Variants in NRG1 observed in about 807,000 individuals in gnomAD.
The protein encoded by NRG1 is neuregulin 1.
A neutral mutation model predicts 63.8 loss-of-function variants in NRG1; 18 were observed. The ratio of observed to expected loss-of-function variants is 0.28; its 90% CI spans 0.19 to 0.42. The LOEUF (loss-of-function observed/expected upper bound fraction) is 0.42, where lower values mean the gene tolerates loss of function less well. Among genes scored for constraint, NRG1 ranks in the 10% least tolerant of loss-of-function variants. The pLI is 1.00. For missense variants in NRG1, 762 were observed against 814.7 expected (o/e 0.94, Z 0.79); for synonymous variants, 302 against 301.3 (o/e 1.00, Z -0.02).
intron 1 of NRG1, among the ~76,000 whole-genome samples, chr8:32,329,503 T>C (rs529567859): frequency 6.6e-6 from 1 of 152,250 alleles, no homozygotes; most frequent in East Asian, 1.9e-4. Context: ...AATAATGTGA[T>C]GGGGGATAAA....
At chr8:31,949,733 T>C (rs1055763461) in intron 1 of NRG1, among the ~76,000 whole-genome samples, 2 of 152,188 alleles carry the variant, frequency 1.3e-5, no homozygotes, top group Admixed American at 1.3e-4. Flanking sequence ...TAAACATTGT[T>C]GGTACCACGT....
At chr8:31,902,098 G>T (rs1047195929) in intron 1 of NRG1, among the ~76,000 whole-genome samples, 1 of 152,170 alleles carries the variant, frequency 6.6e-6, no homozygotes, top group African/African-American at 2.4e-5. Context: ...AAGTGGGTGA[G>T]ATGGTGAGAC....
Position 31,947,845 on chromosome 8 carries a change from C to T in NRG1, c.37+308414C>T, listed in dbSNP as rs147624209. Among the ~76,000 whole-genome samples, 1,412 of 146,524 alleles carry T rather than the reference C, an allele frequency of 9.6e-3. 28 individuals are homozygous for T. The highest frequency in any genetic ancestry group is 0.088 in the South Asian group (403 of 4,554). ...CCTGTAGTCCCAGCTACTTGGGATG[C>T]TGAGGCAGGAGAATCACTTGAGCCC... is the stretch of plus-strand genomic sequence containing the variant. On this transcript the variant is annotated intron_variant, in intron 1 of 10. Coordinates refer to the NRG1 transcript ENST00000519301.
Position 31,640,810 on chromosome 8 carries a change from C to T in NRG1, c.37+1379C>T, listed in dbSNP as rs574885632. The T allele has an allele frequency of 7.9e-4, 1,128 of 1,429,544 alleles. 14 individuals carry two copies. The African/African-American group carries it at 0.015, about 19-fold the overall frequency. The allele number at this position is 1,429,544 out of a possible 1,614,324, so 88.6% of individuals were successfully genotyped here. On this transcript the variant is annotated intron_variant, in intron 1 of 10. Coordinates refer to the NRG1 transcript ENST00000519301. This position sits in a 1 kb window ranked among gnomAD's most constrained non-coding sequence, Gnocchi z 6.3. Reference sequence around the variant, plus strand: ...CGCGCGGGCAGCGGGGCTCGACGGCCGCCCGAGCAAGGCAGAGGCGCTCTG... The same window carrying T: ...CGCGCGGGCAGCGGGGCTCGACGGCTGCCCGAGCAAGGCAGAGGCGCTCTG...
chr8:32,289,198 C>A (rs1049904967), intron 1 of NRG1, among the ~76,000 whole-genome samples: 2 of 152,108 alleles, frequency 1.3e-5, no homozygotes, highest in African/African-American at 4.8e-5. Context: ...GCCCTCTAAC[C>A]CTTCACCTTT....
chr8:31,687,858 C>T (rs568178352), intron 1 of NRG1, among the ~76,000 whole-genome samples: 2 of 152,334 alleles, frequency 1.3e-5, no homozygotes, highest in Non-Finnish European at 2.9e-5. Context: ...GCGGCTGTCA[C>T]CTCCCACCCA....
intron 1 of NRG1, among the ~76,000 whole-genome samples, chr8:32,288,057 C>T (rs1011714926): frequency 3.9e-5 from 6 of 152,140 alleles, no homozygotes; most frequent in South Asian, 2.1e-4. Flanking sequence ...AGAACCAAGA[C>T]TAAGAAAAAA....
At chr8:32,607,320 C>T (rs896241450) in intron 3 of NRG1, among the ~76,000 whole-genome samples, 8 of 152,082 alleles carry the variant, frequency 5.3e-5, no homozygotes, top group African/African-American at 7.2e-5. Context: ...GTTTGAAGCT[C>T]GTTCTCCTTA....
chr8:32,026,661 C>G (rs1430475235), intron 1 of NRG1, among the ~76,000 whole-genome samples: 1 of 152,124 alleles, frequency 6.6e-6, no homozygotes, highest in Admixed American at 6.5e-5. Flanking sequence ...ACCCTTAACA[C>G]ATAATAGCTT....
chr8:31,693,386 T>G (rs1466666974), intron 1 of NRG1, among the ~76,000 whole-genome samples: 2 of 152,190 alleles, frequency 1.3e-5, no homozygotes, highest in Admixed American at 1.3e-4. Context: ...CATTTCCAAT[T>G]AAAGCATAGG....
intron 3 of NRG1, among the ~76,000 whole-genome samples, chr8:32,609,267 C>T (rs1209405423): frequency 1.3e-5 from 2 of 152,130 alleles, no homozygotes; most frequent in Non-Finnish European, 2.9e-5. Context: ...TCTTCCACTG[C>T]TATCTAAGAA....
At chr8:32,310,645 TAGAA>T (rs1856713941) in intron 1 of NRG1, among the ~76,000 whole-genome samples, 1 of 152,162 alleles carries the variant, frequency 6.6e-6, no homozygotes, top group African/African-American at 2.4e-5. Context: ...GTCTAAGAAT[TAGAA>T]GGAACAAAGA....
At chr8:31,648,219 C>T (rs953965849) in intron 1 of NRG1, among the ~76,000 whole-genome samples, 13 of 148,304 alleles carry the variant, frequency 8.8e-5, no homozygotes, top group Admixed American at 2.7e-4. Flanking sequence ...CTGCAAGCTC[C>T]GCCTCCCGGG....
chr8:32,199,767 A>G (rs559466672), intron 1 of NRG1, among the ~76,000 whole-genome samples: 1 of 152,118 alleles, frequency 6.6e-6, no homozygotes, highest in East Asian at 1.9e-4. Context: ...GTAATTTTTA[A>G]AATTCTCTCA....
intron 2 of NRG1, 53 bp downstream of exon 2, chr8:32,596,058 A>T: frequency 5.9e-6 from 8 of 1,357,092 alleles, no homozygotes; most frequent in Non-Finnish European, 7.1e-6. Flanking sequence ...AAGATAACAT[A>T]TAAATGTTAT....
intron 1 of NRG1, among the ~76,000 whole-genome samples, chr8:31,705,300 C>G (rs1244946279): frequency 1.3e-5 from 2 of 152,146 alleles, no homozygotes; most frequent in Admixed American, 6.5e-5. Context: ...CCTGCTTTGG[C>G]CTCCCAAAGT....
chr8:32,562,666 G>A (rs1044908166), intron 1 of NRG1, among the ~76,000 whole-genome samples: 3 of 152,248 alleles, frequency 2.0e-5, no homozygotes, highest in African/African-American at 4.8e-5. Flanking sequence ...ATGTATGTAC[G>A]TGTGTGTGAG....
chr8:32,583,210 A>G (rs955384681), intron 1 of NRG1, among the ~76,000 whole-genome samples: 1 of 152,168 alleles, frequency 6.6e-6, no homozygotes, highest in Non-Finnish European at 1.5e-5. Flanking sequence ...AATAATATTA[A>G]TTTTTAAAAT....
At chr8:31,793,934 TTTCC>T (rs1207647942) in intron 1 of NRG1, among the ~76,000 whole-genome samples, 1 of 152,080 alleles carries the variant, frequency 6.6e-6, no homozygotes, top group Non-Finnish European at 1.5e-5. Context: ...TCTTCCCATA[TTTCC>T]TTCCTTCCTT....
Sources: gnomAD v4.1 joint callset for allele counts (sites outside exome capture counted in the v4.1 genomes callset) on GRCh38, gnomAD v4.1.1 for gene constraint, Gnocchi (gnomAD v3.1) non-coding constraint, MANE v1.5 for transcripts, NCBI Gene and HGNC (gene_info 2026-07-23, HGNC 2026-07-21) for gene names.